BICD2: variants seen among roughly 807,000 people sequenced by gnomAD.
BICD2 encodes the protein BICD cargo adaptor 2.
A neutral mutation model predicts 72.9 loss-of-function variants in BICD2; 25 were observed. That is an observed-to-expected ratio of 0.34 (90% CI 0.25 to 0.48). The LOEUF is 0.48. BICD2 is among the 20% of genes least tolerant of loss of function. The pLI is 0.99. For missense variants in BICD2, 894 were observed against 1,175.2 expected, an observed-to-expected ratio of 0.76 and a Z score of 3.50; for synonymous variants, 501 against 516.1, an observed-to-expected ratio of 0.97 and a Z score of 0.40.
intron 2 of BICD2, among the ~76,000 whole-genome samples, chr9:92,725,142 T>A (rs1295145659): frequency 6.6e-6 from 1 of 152,196 alleles, no homozygotes; most frequent in Non-Finnish European, 1.5e-5. Context: ...GCCAGATGCC[T>A]CATACCATTA....
chr9:92,730,948 T>C (rs768676472), intron 1 of BICD2, among the ~76,000 whole-genome samples: 22 of 152,202 alleles, frequency 1.4e-4, no homozygotes, highest in Non-Finnish European at 2.8e-4. Flanking sequence ...CTGTTCTTCC[T>C]TATCCTAGTC....
At chr9:92,729,316 T>G in intron 1 of BICD2, 80 bp from the exon 2 acceptor site, 1 of 1,447,260 alleles carries the variant, frequency 6.9e-7, no homozygotes, top group Non-Finnish European at 9.5e-7. Context: ...CAGGCGACAT[T>G]CATGCTGCAG....
chr9:92,738,906 T>A (rs986566411), intron 1 of BICD2, among the ~76,000 whole-genome samples: 81 of 152,206 alleles, frequency 5.3e-4, no homozygotes, highest in Non-Finnish European at 8.8e-5. Flanking sequence ...AATTCCTTCA[T>A]CTGCTAGGCT....
chr9:92,758,505 T>A (rs1346635906), intron 1 of BICD2, among the ~76,000 whole-genome samples: 1 of 137,620 alleles, frequency 7.3e-6, no homozygotes, highest in Non-Finnish European at 1.5e-5. Context: ...TGAGCCAAGA[T>A]CGAGCTACTG....
At chr9:92,715,591 G>T in intron 6 of BICD2, 128 bp from the exon 7 acceptor site, 1 of 914,976 alleles carries the variant, frequency 1.1e-6, no homozygotes, top group Non-Finnish European at 1.6e-6. Flanking sequence ...GTGGCCTCTG[G>T]ACTGGAGGGT....
chr9:92,717,205 T>C (rs1587667169), intron 6 of BICD2, among the ~76,000 whole-genome samples: 2 of 152,316 alleles, frequency 1.3e-5, no homozygotes, highest in Admixed American at 1.3e-4. Context: ...TCCCTGTAAA[T>C]GTTGGATTCA....
At chr9:92,759,113 C>G (rs1401256624) in intron 1 of BICD2, among the ~76,000 whole-genome samples, 1 of 152,180 alleles carries the variant, frequency 6.6e-6, no homozygotes, top group Non-Finnish European at 1.5e-5. Context: ...TACCACAGAA[C>G]CTCTGGATCC....
chr9:92,753,939 T>C (rs2131532726), intron 1 of BICD2, among the ~76,000 whole-genome samples: 1 of 150,130 alleles, frequency 6.7e-6, no homozygotes, highest in African/African-American at 2.5e-5. Flanking sequence ...GGTCAGGAGA[T>C]CAAGACCATC....
At chr9:92,742,062 A>G (rs1370476526) in intron 1 of BICD2, among the ~76,000 whole-genome samples, 1 of 152,240 alleles carries the variant, frequency 6.6e-6, no homozygotes, top group East Asian at 1.9e-4. Flanking sequence ...GAAAATTATA[A>G]AAATACTAAT....
At position 92,764,583 on chromosome 9, in the gene BICD2, C is replaced by G. The variant is rs779949554; in HGVS notation, c.162G>C (p.Lys54Asn). ...CCTCGAACTGCAGCTTGAGCTGGTG[C>G]TTCTCCTCGAGCACCGCCAGCCCGT... ...AEYGLAVLEE[K>N]HQLKLQFEEL... Residue 54 changes from lysine to asparagine, a missense_variant, in exon 1 of 7, where the codon AAG becomes AAC. Lys to Asn is a moderately conservative substitution (Grantham distance 94). Coordinates refer to ENST00000356884, the MANE Select transcript of BICD2 (RefSeq NM_001003800.2). The surrounding 1 kb of genome is among the most constrained non-coding windows in gnomAD (Gnocchi z 5.5). 2.5e-6 allele frequency: 4 copies of G among 1,573,226 alleles called. No individual in the cohort carries two copies. The East Asian group carries it at 7.0e-5, about 28-fold the overall frequency.
In BICD2 at chr9:92,719,453, G is replaced by A. The variant is rs189266003; in HGVS notation, c.1192C>T (p.Arg398Trp). The change falls in exon 5 of 7, where the codon CGG becomes TGG. Residue 398 changes from arginine to tryptophan, a missense_variant. Physicochemically the swap from Arg to Trp is moderately radical, Grantham distance 101 (BLOSUM62 -3). Around this residue, in one of 5 missense-constraint regions of BICD2, gnomAD observed 371 missense variants for 439.1 expected, o/e 0.84. Coordinates refer to ENST00000356884, the MANE Select transcript of BICD2 (RefSeq NM_001003800.2). Reference sequence around the variant, plus strand: ...CGCTCCTTGCTGGCCTGCAGGCGCCGCAGGGCACTCAGATTCTCTGTGAGG... The same window carrying A: ...CGCTCCTTGCTGGCCTGCAGGCGCCACAGGGCACTCAGATTCTCTGTGAGG... ...TRLTENLSAL[R>W]RLQASKERQT... 1.2e-4 allele frequency: 192 copies of A among 1,614,096 alleles called. 1 individual carries two copies. In the East Asian group the frequency reaches 3.1e-3, roughly 26 times the overall value.
At chr9:92,753,681 G>A (rs1403484022) in intron 1 of BICD2, among the ~76,000 whole-genome samples, 1 of 151,782 alleles carries the variant, frequency 6.6e-6, no homozygotes, top group Non-Finnish European at 1.5e-5. Flanking sequence ...TGGGACTACA[G>A]GCACCCGCCA....
In BICD2 at chr9:92,720,403, G is replaced by A; in HGVS notation, c.959C>T (p.Pro320Leu). Residue 320 changes from proline (P) to leucine (L), a missense_variant, in exon 4 of 7, where the codon CCC becomes CTC. Coordinates refer to ENST00000356884, the MANE Select transcript of BICD2 (RefSeq NM_001003800.2). This position sits in a 1 kb window ranked among gnomAD's most constrained non-coding sequence, Gnocchi z 5.4. ...GGGCGGTGCGAGGCCCTCCTTCTTG[G>A]GCGTGGAGGTCTTGTTGTCCAGTGG... is the stretch of plus-strand genomic sequence containing the variant. ...KLPLDNKTST[P>L]KKEGLAPPSP... 1.2e-6 allele frequency: 2 copies of A among 1,614,134 alleles called. No individual in the cohort carries two copies. The highest frequency in any genetic ancestry group is 1.7e-6 in the Non-Finnish European group (2 of 1,180,040).
intron 1 of BICD2, among the ~76,000 whole-genome samples, chr9:92,743,493 C>T (rs1434515490): frequency 6.6e-6 from 1 of 152,002 alleles, no homozygotes; most frequent in Admixed American, 6.6e-5. Flanking sequence ...CCGTGTTCAG[C>T]CTCTTTCCAT....
chr9:92,720,486 G>C lies in BICD2; in HGVS notation c.876C>G (p.Pro292=), dbSNP rs1564061112. The C allele has an allele frequency of 6.2e-7, 1 of 1,614,212 alleles. No homozygotes were observed. The highest frequency in any genetic ancestry group is 1.1e-5 in the South Asian group (1 of 91,086). Residue 292 remains proline, a synonymous_variant, in exon 4 of 7, where the codon CCC becomes CCG. Transcript: ENST00000356884. This position sits in a 1 kb window ranked among gnomAD's most constrained non-coding sequence, Gnocchi z 5.4. ...TGACCAGGGCCTCGGCATCGTTGTT[G>C]GGCTCGGCAGCATCGTCACTGAACT... ...GLKFSDDAAE[P]NNDAEALVNG... is the part of the protein sequence containing the mutation.
intron 2 of BICD2, among the ~76,000 whole-genome samples, chr9:92,728,696 C>T (rs1275493427): frequency 6.6e-6 from 1 of 152,254 alleles, no homozygotes; most frequent in Non-Finnish European, 1.5e-5. Context: ...CCATGGGCAT[C>T]AGCCCTTAGC....
intron 3 of BICD2, 35 bp downstream of exon 3, chr9:92,722,621 A>C: frequency 6.2e-7 from 1 of 1,612,864 alleles, no homozygotes; most frequent in African/African-American, 1.3e-5. Flanking sequence ...CAGTTAACCC[A>C]CGTGCCACCT....
Position 92,714,413 on chromosome 9 carries a change from G to A in BICD2, c.*741C>T. ...TTCTCATGAAAAATGAAAACCTGGG[G>A]CCTTGGGCCCTGCCAATCTGTCACC... On this transcript the variant is annotated 3_prime_UTR_variant, in exon 7 of 7. Coordinates refer to ENST00000356884, the MANE Select transcript of BICD2 (RefSeq NM_001003800.2). 1.0e-6 allele frequency: 1 copy of A among 985,490 alleles called. No individual in the cohort carries two copies. Among genetic ancestry groups the A allele is most frequent in the South Asian group, 4.7e-5 (1 of 21,290 alleles). 61.0% of individuals were successfully genotyped at this position (985,490 alleles called of 1,614,324 possible).
At chr9:92,761,839 T>C (rs1854378719) in intron 1 of BICD2, among the ~76,000 whole-genome samples, 1 of 152,178 alleles carries the variant, frequency 6.6e-6, no homozygotes, top group Non-Finnish European at 1.5e-5. Flanking sequence ...AAGAAATCAC[T>C]AGCAGAATGA....
Sources: gnomAD v4.1 joint callset for allele counts (sites outside exome capture counted in the v4.1 genomes callset) on GRCh38, gnomAD v4.1.1 for gene constraint, gnomAD v4.1.1 regional missense constraint, Gnocchi (gnomAD v3.1) non-coding constraint, MANE v1.5 for transcripts, NCBI Gene and HGNC (gene_info 2026-07-23, HGNC 2026-07-21) for gene names.